DNM3: variants seen among roughly 807,000 people sequenced by gnomAD.
The protein encoded by DNM3 is dynamin 3.
In DNM3, 47 loss-of-function variants were observed where a neutral mutation model predicts 101.6. That is an observed-to-expected ratio of 0.46 (90% CI 0.37 to 0.59). DNM3 has a LOEUF of 0.59. DNM3 is among the 20% of genes least tolerant of loss of function. DNM3 has a pLI of 0.00. For synonymous variants in DNM3, 385 were observed against 387.9 expected, an observed-to-expected ratio of 0.99 and a Z score of 0.09; for missense variants, 849 against 1,085.7, an observed-to-expected ratio of 0.78 and a Z score of 3.06.
intron 13 of DNM3, among the ~76,000 whole-genome samples, chr1:172,098,440 C>CT (rs1183272642): frequency 6.6e-6 from 1 of 152,168 alleles, no homozygotes; most frequent in East Asian, 1.9e-4. Flanking sequence ...TTATCCTGTT[C>CT]TTTTTTCAAG....
chr1:172,214,221 A>G (rs2148533691), intron 14 of DNM3, among the ~76,000 whole-genome samples: 1 of 152,258 alleles, frequency 6.6e-6, no homozygotes, highest in Admixed American at 6.5e-5. Context: ...CATAATCCTT[A>G]TGGAGGAAAA....
At position 171,940,162 on chromosome 1, in the gene DNM3, G is replaced by T. The variant is rs2041717768; in HGVS notation, c.235+18341G>T. The stretch of plus-strand genomic sequence containing the variant: ...ATAAGATGGTTTTGTACTCACTCTA[G>T]GTGTTTATTTTTCAAAGTGAACTAA... On this transcript the variant is annotated intron_variant, in intron 2 of 20. Transcript: ENST00000627582. Among the ~76,000 whole-genome samples the T allele has an allele frequency of 1.3e-5, 2 of 152,068 alleles. 1 individual carries two copies. Among genetic ancestry groups the T allele is most frequent in the South Asian group, 4.1e-4 (2 of 4,824 alleles).
rs992521621 is a variant in DNM3, at chr1:171,987,788, G to A, written c.368G>A (p.Arg123Gln). The stretch of plus-strand genomic sequence containing the variant: ...ATTTCCTCCATACCCATTAATTTAC[G>A]AGTCTATTCCCCACACGGTAAGTAA... ...KGISSIPINL[R>Q]VYSPHVLNLT... is the part of the protein sequence containing the mutation. Residue 123 changes from arginine to glutamine, a missense_variant, in exon 3 of 21, where the codon CGA becomes CAA. Around this residue, in one of 5 missense-constraint regions of DNM3, gnomAD observed 388 missense variants for 483.0 expected, o/e 0.80. Transcript: ENST00000627582. The A allele has an allele frequency of 8.3e-6, 13 of 1,569,636 alleles. No homozygotes were observed. The highest frequency in any genetic ancestry group is 4.5e-5 in the East Asian group (2 of 43,960).
intron 14 of DNM3, among the ~76,000 whole-genome samples, chr1:172,170,248 A>G (rs2058904477): frequency 6.6e-6 from 1 of 152,066 alleles, no homozygotes; most frequent in South Asian, 2.1e-4. Context: ...TGGAGGTGCC[A>G]TTAATATTCC....
chr1:172,010,667 G>A (rs1344264990), intron 4 of DNM3, among the ~76,000 whole-genome samples: 6 of 74,430 alleles, frequency 8.1e-5, no homozygotes, highest in Non-Finnish European at 1.5e-4. Flanking sequence ...TAATTATGGT[G>A]TGCCTTGGTA....
intron 14 of DNM3, among the ~76,000 whole-genome samples, chr1:172,240,161 C>T (rs541832686): frequency 6.6e-6 from 1 of 152,246 alleles, no homozygotes; most frequent in African/African-American, 2.4e-5. Flanking sequence ...TCAGAATACA[C>T]CTCACAGAAT....
intron 1 of DNM3, among the ~76,000 whole-genome samples, chr1:171,855,779 G>C (rs1400468471): frequency 6.6e-6 from 1 of 152,038 alleles, no homozygotes; most frequent in Non-Finnish European, 1.5e-5. Flanking sequence ...TTAGACCTTT[G>C]TCAGATGCAT....
At chr1:172,086,383 A>G (rs2053533486) in intron 12 of DNM3, among the ~76,000 whole-genome samples, 1 of 152,148 alleles carries the variant, frequency 6.6e-6, no homozygotes, top group South Asian at 2.1e-4. Context: ...AGTGTTCATA[A>G]TCTTTCTTGG....
chr1:171,888,501 A>G (rs2125160592), intron 1 of DNM3, among the ~76,000 whole-genome samples: 1 of 152,358 alleles, frequency 6.6e-6, no homozygotes, highest in East Asian at 1.9e-4. Flanking sequence ...AATAGGTCTC[A>G]ATCTCCATTT....
chr1:172,225,134 CTTT>C (rs1168334078), intron 14 of DNM3, among the ~76,000 whole-genome samples: 10 of 65,526 alleles, frequency 1.5e-4, no homozygotes, highest in East Asian at 1.0e-3. Flanking sequence ...TCTTCTTCCT[CTTT>C]TTTTTTTTTT....
At chr1:172,360,754 C>G (rs997850305) in intron 17 of DNM3, among the ~76,000 whole-genome samples, 2 of 151,924 alleles carry the variant, frequency 1.3e-5, no homozygotes, top group Non-Finnish European at 2.9e-5. Context: ...CTTTTTCTGC[C>G]CTGCTTACTT....
At chr1:172,093,876 T>C (rs78346486) in intron 13 of DNM3, among the ~76,000 whole-genome samples, 3 of 152,284 alleles carry the variant, frequency 2.0e-5, no homozygotes, top group Non-Finnish European at 4.4e-5. Context: ...ATCATTGAAA[T>C]AAAAATCCTC....
chr1:172,121,820 G>T (rs2056340897), intron 13 of DNM3, among the ~76,000 whole-genome samples: 1 of 151,974 alleles, frequency 6.6e-6, no homozygotes, highest in Non-Finnish European at 1.5e-5. Flanking sequence ...AAAAAGTGGG[G>T]GTTTGATATG....
At position 172,081,829 on chromosome 1, in the gene DNM3, T is replaced by C. The variant is rs779001751; in HGVS notation, c.1423-3T>C. On this transcript the variant is annotated splice_region_variant and splice_polypyrimidine_tract_variant and intron_variant, in intron 11 of 20. Coordinates refer to ENST00000627582, the MANE Select transcript of DNM3 (RefSeq NM_015569.5). ...CACTGAAGTGTTTCTCTTTGACTTA[T>C]AGGTATTGCTATTGATTGACATTCA... 2.5e-6 allele frequency: 4 copies of C among 1,611,274 alleles called. No homozygotes were observed. Among genetic ancestry groups the C allele is most frequent in the Admixed American group, 3.4e-5 (2 of 59,654 alleles).
At chr1:171,927,130 T>C (rs1028251086) in intron 2 of DNM3, among the ~76,000 whole-genome samples, 1 of 152,186 alleles carries the variant, frequency 6.6e-6, no homozygotes, top group Admixed American at 6.5e-5. Flanking sequence ...GATGATGTGA[T>C]CACATGTATA....
chr1:172,251,598 A>T (rs1286390750), intron 14 of DNM3, among the ~76,000 whole-genome samples: 3 of 152,090 alleles, frequency 2.0e-5, no homozygotes, highest in Non-Finnish European at 2.9e-5. Flanking sequence ...TATTTCTCTC[A>T]TGTTTAATAT....
chr1:172,369,279 A>G (rs1450491845), intron 17 of DNM3, among the ~76,000 whole-genome samples: 1 of 151,974 alleles, frequency 6.6e-6, no homozygotes, highest in Non-Finnish European at 1.5e-5. Flanking sequence ...ATACACCATA[A>G]TCAAGTGGGA....
At chr1:172,137,370 T>C (rs1248909569) in intron 14 of DNM3, 2 of 152,218 alleles carry the variant, frequency 1.3e-5, no homozygotes, top group African/African-American at 2.4e-5. Context: ...GAAGCAGAGA[T>C]GAATTTTAGC....
chr1:172,317,502 A>G (rs914205032), intron 16 of DNM3, among the ~76,000 whole-genome samples: 23 of 152,190 alleles, frequency 1.5e-4, no homozygotes, highest in Non-Finnish European at 3.2e-4. Context: ...CAAGACTAAT[A>G]AAGAAAAAAA....
Sources: allele counts gnomAD v4.1 joint callset (sites outside exome capture counted in the v4.1 genomes callset), GRCh38; gene constraint gnomAD v4.1.1; regional missense constraint gnomAD v4.1.1; transcripts MANE v1.5; gene names NCBI Gene and HGNC (gene_info 2026-07-23, HGNC 2026-07-21).